GIPC2: variants seen among roughly 807,000 people sequenced by gnomAD.
The protein encoded by GIPC2 is GIPC PDZ domain containing family member 2, also known as PDZ domain-containing protein GIPC2.
In GIPC2, 30 loss-of-function variants were observed where a neutral mutation model predicts 30.6. That is an observed-to-expected ratio of 0.98 (90% CI 0.73 to 1.33). GIPC2 has a LOEUF of 1.33. GIPC2 is among the 40% of genes most tolerant of loss of function. GIPC2 has a pLI of 0.00. For synonymous variants in GIPC2, 167 were observed against 150.0 expected (o/e 1.11, Z -0.83); for missense variants, 414 against 390.3 (o/e 1.06, Z -0.51).
intron 1 of GIPC2, among the ~76,000 whole-genome samples, chr1:78,053,597 C>T (rs932361636): frequency 2.6e-5 from 4 of 152,012 alleles, no homozygotes; most frequent in Non-Finnish European, 4.4e-5. Flanking sequence ...AATTTGGTTT[C>T]CCTGACTCCA....
At chr1:78,062,499 C>A (rs1571479222) in intron 1 of GIPC2, among the ~76,000 whole-genome samples, 1 of 149,024 alleles carries the variant, frequency 6.7e-6, no homozygotes, top group Non-Finnish European at 1.5e-5. Context: ...TGTGTTTTTT[C>A]TTTTTCTTTT....
At chr1:78,068,836 G>A (rs1395135701) in intron 1 of GIPC2, among the ~76,000 whole-genome samples, 1 of 152,130 alleles carries the variant, frequency 6.6e-6, no homozygotes, top group Non-Finnish European at 1.5e-5. Context: ...GGTAGCAAGG[G>A]CTCAGTGTCA....
At chr1:78,099,501 C>T (rs942086308) in intron 3 of GIPC2, among the ~76,000 whole-genome samples, 5 of 150,468 alleles carry the variant, frequency 3.3e-5, no homozygotes, top group African/African-American at 4.9e-5. Context: ...TACAGTGGCA[C>T]GATCTCAGCT....
Position 78,136,037 on chromosome 1 carries a change from C to T in GIPC2, c.*294C>T, listed in dbSNP as rs773593135. 1 of 209,472 alleles carries T rather than the reference C, an allele frequency of 4.8e-6. No homozygotes were observed. The highest frequency in any genetic ancestry group is 9.3e-6 in the Non-Finnish European group (1 of 107,386). 13.0% of individuals were successfully genotyped at this position (209,472 alleles called of 1,614,324 possible). A position where few individuals can be genotyped will look rare whatever the true frequency, so the allele number is the denominator to read the frequency against. The stretch of plus-strand genomic sequence containing the variant: ...ATTTCTCGACAGATGATTTTCTTCT[C>T]CATTAATACCCATGCTTTGTTTTTC... On this transcript the variant is annotated 3_prime_UTR_variant, in exon 6 of 6. Transcript: ENST00000370759.
At chr1:78,117,155 A>G (rs1213160865) in intron 3 of GIPC2, among the ~76,000 whole-genome samples, 1 of 152,226 alleles carries the variant, frequency 6.6e-6, no homozygotes, top group East Asian at 1.9e-4. Flanking sequence ...AGAAAAAAAC[A>G]ACCTCATGAA....
intron 4 of GIPC2, among the ~76,000 whole-genome samples, chr1:78,120,866 G>A (rs1191983463): frequency 6.6e-6 from 1 of 152,124 alleles, no homozygotes; most frequent in African/African-American, 2.4e-5. Context: ...GATGAGATTT[G>A]GGTGGGGACA....
chr1:78,094,220 T>G (rs1662095694), intron 2 of GIPC2, among the ~76,000 whole-genome samples: 1 of 152,220 alleles, frequency 6.6e-6, no homozygotes, highest in South Asian at 2.1e-4. Context: ...TTGAAAAAGC[T>G]CAAGCTCTAT....
chr1:78,129,007 A>AAAATAAATAAAT lies in GIPC2; in HGVS notation c.796+3058_796+3069dup, dbSNP rs146694059. On this transcript the variant is annotated intron_variant, in intron 5 of 5. Transcript: ENST00000370759. ...ACAATAGAGTGAGACCCTGTCTCTAAAAATAAATAAATAAATAAATAAATG... is the reference window on the plus strand; with the variant it reads ...ACAATAGAGTGAGACCCTGTCTCTAAAAATAAATAAATAAATAAATAAATAAATAAATAAATG... 1.4e-3 allele frequency among the ~76,000 whole-genome samples: 202 copies of AAAATAAATAAAT among 142,714 alleles called. 1 individual carries two copies. Among genetic ancestry groups the AAAATAAATAAAT allele is most frequent in the Non-Finnish European group, 2.3e-3 (151 of 65,878 alleles). The allele number at this position is 142,714 out of a possible 152,430, so 93.6% of individuals were successfully genotyped here.
In GIPC2 at chr1:78,053,523, G is replaced by A. The variant is rs147137975; in HGVS notation, c.240+7189G>A. On this transcript the variant is annotated intron_variant, in intron 1 of 5. Coordinates refer to ENST00000370759, the MANE Select transcript of GIPC2 (RefSeq NM_017655.6). ...ATCCCTGGTGGTCTTTGCCTGGAAGGTGTTGGCAGTTGTCACTTGTCACTG... is the reference window on the plus strand; with the variant it reads ...ATCCCTGGTGGTCTTTGCCTGGAAGATGTTGGCAGTTGTCACTTGTCACTG... Among the ~76,000 whole-genome samples the A allele has an allele frequency of 6.3e-3, 960 of 152,230 alleles. 5 individuals are homozygous for A. The highest frequency in any genetic ancestry group is 0.021 in the African/African-American group (891 of 41,544).
At chr1:78,107,824 C>CAAAAAAAAAAAAAAAAAA (rs35134592) in intron 3 of GIPC2, among the ~76,000 whole-genome samples, 1 of 28,744 alleles carries the variant, frequency 3.5e-5, no homozygotes, top group African/African-American at 1.3e-4. Context: ...AACTCTGTCT[C>CAAAAAAAAAAAAAAAAAA]AAAAAAAAAA....
At chr1:78,108,028 A>C (rs1557545369) in intron 3 of GIPC2, among the ~76,000 whole-genome samples, 1 of 151,854 alleles carries the variant, frequency 6.6e-6, no homozygotes, top group Admixed American at 6.6e-5. Flanking sequence ...TTTGGTAACT[A>C]TTTTTCTTAA....
chr1:78,101,174 G>T (rs80246841), intron 3 of GIPC2, among the ~76,000 whole-genome samples: 5,554 of 152,184 alleles, frequency 0.036, 231 homozygotes, highest in African/African-American at 0.11. Flanking sequence ...CAGCACTGAG[G>T]AATGGCCAGA....
At chr1:78,048,469 C>T (rs1661137602) in intron 1 of GIPC2, among the ~76,000 whole-genome samples, 1 of 151,498 alleles carries the variant, frequency 6.6e-6, no homozygotes, top group African/African-American at 2.4e-5. Context: ...CTCTGTTGCC[C>T]AGGCTGGACT....
chr1:78,069,270 A>G (rs1326395957), intron 1 of GIPC2: 3 of 181,986 alleles, frequency 1.6e-5, no homozygotes, highest in Admixed American at 6.5e-5. Context: ...GAAAAGCCTG[A>G]ACCTAGAAGA....
intron 3 of GIPC2, among the ~76,000 whole-genome samples, chr1:78,118,819 A>G (rs1310368939): frequency 4.6e-5 from 7 of 152,202 alleles, no homozygotes; most frequent in Non-Finnish European, 8.8e-5. Flanking sequence ...CCCATTTCTT[A>G]CTGCCTTCAG....
chr1:78,101,647 C>A (rs1662252199), intron 3 of GIPC2, among the ~76,000 whole-genome samples: 1 of 152,188 alleles, frequency 6.6e-6, no homozygotes, highest in African/African-American at 2.4e-5. Context: ...ATGGTTCCCC[C>A]TGGTCAGCTG....
At chr1:78,091,697 C>A (rs1221986623) in intron 2 of GIPC2, 5 of 773,626 alleles carry the variant, frequency 6.5e-6, no homozygotes, top group Non-Finnish European at 9.7e-6. Context: ...TGTGATGACC[C>A]TAGAAAGCAC....
At chr1:78,129,785 T>C (rs1662856631) in intron 5 of GIPC2, among the ~76,000 whole-genome samples, 1 of 152,216 alleles carries the variant, frequency 6.6e-6, no homozygotes, top group Non-Finnish European at 1.5e-5. Flanking sequence ...AAGTTTCTTC[T>C]TGAATGTTTA....
intron 4 of GIPC2, among the ~76,000 whole-genome samples, chr1:78,122,305 T>C (rs1031260581): frequency 3.3e-5 from 5 of 152,238 alleles, no homozygotes; most frequent in Admixed American, 1.3e-4. Flanking sequence ...AAAGGACTTA[T>C]GGGATTTAAA....
Sources: allele counts gnomAD v4.1 joint callset (sites outside exome capture counted in the v4.1 genomes callset), GRCh38; gene constraint gnomAD v4.1.1; transcripts MANE v1.5; gene names NCBI Gene and HGNC (gene_info 2026-07-23, HGNC 2026-07-21).